CRYBG1: variants seen among roughly 807,000 people sequenced by gnomAD.
CRYBG1 encodes the protein crystallin beta-gamma domain containing 1.
A neutral mutation model predicts 189.2 loss-of-function variants in CRYBG1; 139 were observed. The observed-to-expected ratio is 0.73, with a 90% CI of 0.64 to 0.85. The LOEUF (loss-of-function observed/expected upper bound fraction) is 0.85. Ranked by LOEUF, CRYBG1 falls within the 40% of genes least tolerant of loss-of-function variation. The pLI is 0.00. For synonymous variants in CRYBG1, 1,023 were observed against 1,017.1 expected (o/e 1.01, Z -0.11); for missense variants, 2,611 against 2,675.8 (o/e 0.98, Z 0.53).
chr6:106,499,062 G>A (rs1772922557), intron 2 of CRYBG1, among the ~76,000 whole-genome samples: 1 of 149,286 alleles, frequency 6.7e-6, no homozygotes, highest in African/African-American at 2.5e-5. Flanking sequence ...TTTCATTGTA[G>A]TTATTCATAT....
chr6:106,512,690 G>C lies in CRYBG1; in HGVS notation c.1573G>C (p.Val525Leu), dbSNP rs1219389505. ...GGGCAGGAGCCGTGCCCTCGAGGCCGTGCCCGCCCCGCCCGCCAGCGGCCC... is the reference window on the plus strand; with the variant it reads ...GGGCAGGAGCCGTGCCCTCGAGGCCCTGCCCGCCCCGCCCGCCAGCGGCCC... ...RKGRSRALEAVPAPPASGPRA... is the reference protein window; with the variant it reads ...RKGRSRALEALPAPPASGPRA... The change falls in exon 3 of 22, where the codon GTG (valine) becomes CTG (leucine). Residue 525 changes from valine to leucine, a missense_variant. Physicochemically the swap from Val to Leu is conservative, Grantham distance 32 (BLOSUM62 1). This residue lies in a region of CRYBG1 where 985 missense variants were observed against 924.4 expected (regional missense o/e 1.07). Transcript: ENST00000633556. The C allele has an allele frequency of 1.9e-6, 3 of 1,540,976 alleles. No individual in the cohort carries two copies. The East Asian group carries it at 7.3e-5, about 37-fold the overall frequency.
rs377040649 is a variant in CRYBG1 at position 106,399,289 on chromosome 6, A to G, written c.173+38208A>G. Among the ~76,000 whole-genome samples, 11 of 152,356 alleles carry G rather than the reference A, an allele frequency of 7.2e-5. No homozygotes were observed. In the South Asian group the frequency reaches 1.9e-3, roughly 26 times the overall value. On this transcript the variant is annotated intron_variant, in intron 1 of 21. Coordinates refer to ENST00000633556, the MANE Select transcript of CRYBG1 (RefSeq NM_001371242.2). ...AGTATAGTCAGTTTTTTCAAATTGC[A>G]TAAAATAAATTTCAACTTTCCACCC...
chr6:106,459,810 G>T (rs1406549729), intron 2 of CRYBG1, among the ~76,000 whole-genome samples: 2 of 152,076 alleles, frequency 1.3e-5, no homozygotes, highest in Non-Finnish European at 2.9e-5. Flanking sequence ...TGAATCAAAA[G>T]CTTGCATATT....
intron 1 of CRYBG1, among the ~76,000 whole-genome samples, chr6:106,365,776 A>G (rs1478546934): frequency 6.6e-6 from 1 of 151,656 alleles, no homozygotes; most frequent in Non-Finnish European, 1.5e-5. Context: ...CCTGCAGGAG[A>G]GCCAAATTCA....
chr6:106,491,395 A>T (rs1165582304), intron 2 of CRYBG1, among the ~76,000 whole-genome samples: 1 of 152,154 alleles, frequency 6.6e-6, no homozygotes. Flanking sequence ...CCAAATTGTG[A>T]TCTACTATGA....
chr6:106,546,876 TAGTC>T (rs1353186931), intron 13 of CRYBG1, among the ~76,000 whole-genome samples: 2 of 152,214 alleles, frequency 1.3e-5, no homozygotes. Flanking sequence ...TTGGTTCTAT[TAGTC>T]AGAGCCTAGT....
intron 2 of CRYBG1, among the ~76,000 whole-genome samples, chr6:106,468,565 C>T (rs908163696): frequency 6.6e-6 from 1 of 152,156 alleles, no homozygotes; most frequent in Admixed American, 6.5e-5. Flanking sequence ...TGGCGTGTGC[C>T]TGTAGTCTCA....
chr6:106,515,778 TTTA>T (rs1254915776), intron 3 of CRYBG1, among the ~76,000 whole-genome samples: 3 of 142,548 alleles, frequency 2.1e-5, no homozygotes, highest in Non-Finnish European at 4.4e-5. Flanking sequence ...TATTTATTTA[TTTA>T]TTTATTTATT....
chr6:106,399,784 G>A (rs550628223), intron 1 of CRYBG1, among the ~76,000 whole-genome samples: 1 of 150,986 alleles, frequency 6.6e-6, no homozygotes, highest in Admixed American at 6.6e-5. Context: ...AGCCTCCCGA[G>A]TAGATGGGAC....
At chr6:106,388,587 G>A (rs1297688407) in intron 1 of CRYBG1, among the ~76,000 whole-genome samples, 2 of 152,128 alleles carry the variant, frequency 1.3e-5, no homozygotes, top group Non-Finnish European at 2.9e-5. Context: ...CTCTTAAAAA[G>A]GGGAACATAC....
At chr6:106,551,688 T>G (rs1411936320) in intron 13 of CRYBG1, among the ~76,000 whole-genome samples, 164 bp from the exon 14 acceptor site, 1 of 152,226 alleles carries the variant, frequency 6.6e-6, no homozygotes, top group African/African-American at 2.4e-5. Context: ...ATTTGTCCTA[T>G]AGACAAACCC....
intron 4 of CRYBG1, among the ~76,000 whole-genome samples, chr6:106,523,830 C>A (rs1339477407): frequency 1.3e-5 from 2 of 151,494 alleles, no homozygotes; most frequent in East Asian, 3.9e-4. Flanking sequence ...CTTCCAGGTT[C>A]AAGCGATTTT....
At chr6:106,526,464 A>C (rs1302853858) in intron 6 of CRYBG1, among the ~76,000 whole-genome samples, 1 of 152,146 alleles carries the variant, frequency 6.6e-6, no homozygotes, top group African/African-American at 2.4e-5. Flanking sequence ...TCTTGAAAGC[A>C]TAAGCATTTA....
intron 1 of CRYBG1, among the ~76,000 whole-genome samples, chr6:106,378,360 C>A (rs1399768595): frequency 1.3e-5 from 2 of 152,190 alleles, no homozygotes; most frequent in African/African-American, 4.8e-5. Context: ...TTTCCCTGTG[C>A]AAAGTGGCAA....
intron 4 of CRYBG1, among the ~76,000 whole-genome samples, chr6:106,521,670 T>C (rs1375524202): frequency 3.3e-5 from 5 of 151,066 alleles, no homozygotes; most frequent in Admixed American, 3.3e-4. Context: ...ATCTGTAGTC[T>C]TGCAGGGAGA....
intron 1 of CRYBG1, among the ~76,000 whole-genome samples, chr6:106,377,116 T>G (rs940332912): frequency 2.0e-5 from 3 of 152,174 alleles, no homozygotes; most frequent in African/African-American, 7.2e-5. Flanking sequence ...TTAGTTCAAT[T>G]GTTTCATTTC....
chr6:106,558,519 A>C lies in CRYBG1; in HGVS notation c.5749A>C (p.Arg1917=). The C allele has an allele frequency of 6.2e-7, 1 of 1,607,750 alleles. No individual in the cohort carries two copies. The highest frequency in any genetic ancestry group is 8.5e-7 in the Non-Finnish European group (1 of 1,175,490). The part of the protein sequence containing the change: ...FSEPTIILFE[R]EDFKGKKIEL... Reference sequence around the variant, plus strand: ...TGAACCAACAATTATTCTCTTTGAAAGAGAAGACTTCAAAGGAAAAAAGAT... The same window carrying C: ...TGAACCAACAATTATTCTCTTTGAACGAGAAGACTTCAAAGGAAAAAAGAT... Residue 1917 remains arginine (R), a synonymous_variant, in exon 18 of 22, where the codon AGA becomes CGA. Coordinates refer to ENST00000633556, the MANE Select transcript of CRYBG1 (RefSeq NM_001371242.2).
chr6:106,365,451 C>CA (rs10683623), intron 1 of CRYBG1, among the ~76,000 whole-genome samples: 34,014 of 139,560 alleles, frequency 0.24, 4,392 homozygotes, highest in Non-Finnish European at 0.29. Context: ...GAAACAAAAC[C>CA]AAAAAAAAAA....
chr6:106,405,258 A>T (rs1387457515), intron 1 of CRYBG1, among the ~76,000 whole-genome samples: 1 of 152,216 alleles, frequency 6.6e-6, no homozygotes, highest in Non-Finnish European at 1.5e-5. Flanking sequence ...AGTGTAAACA[A>T]AGCTGCTGGG....
Sources: allele counts gnomAD v4.1 joint callset (sites outside exome capture counted in the v4.1 genomes callset), GRCh38; gene constraint gnomAD v4.1.1; regional missense constraint gnomAD v4.1.1; transcripts MANE v1.5; gene names NCBI Gene and HGNC (gene_info 2026-07-23, HGNC 2026-07-21).